The following RASA2 variants were observed in gnomAD, a reference collection of about 807,000 sequenced individuals.
RASA2 encodes the protein RAS p21 protein activator 2.
RASA2 carries 155 observed loss-of-function variants against 118.2 expected under a neutral mutation model. The ratio of observed to expected loss-of-function variants is 1.31; its 90% CI spans 1.15 to 1.50. The LOEUF (loss-of-function observed/expected upper bound fraction) is 1.50. RASA2 is among the 40% of genes most tolerant of loss of function. The pLI, the probability that RASA2 is intolerant of heterozygous loss-of-function variation, is 0.00. For synonymous variants in RASA2, 353 were observed against 349.1 expected (o/e 1.01, Z -0.12); for missense variants, 1,016 against 1,009.6 (o/e 1.01, Z -0.09).
intron 9 of RASA2, among the ~76,000 whole-genome samples, chr3:141,565,344 A>T (rs577856799): frequency 1.3e-5 from 2 of 152,318 alleles, no homozygotes; most frequent in South Asian, 4.1e-4. Context: ...AGGTTGCCGA[A>T]CATGCCCTGG....
At chr3:141,557,769 G>C (rs536392891) in intron 7 of RASA2, among the ~76,000 whole-genome samples, 10 of 152,092 alleles carry the variant, frequency 6.6e-5, no homozygotes, top group Non-Finnish European at 1.5e-4. Flanking sequence ...GAGAGGAAGA[G>C]GCAGATAAAA....
chr3:141,499,207 T>A (rs2081744090), intron 1 of RASA2, among the ~76,000 whole-genome samples: 1 of 152,188 alleles, frequency 6.6e-6, no homozygotes, highest in Non-Finnish European at 1.5e-5. Context: ...CTAGCCCCGA[T>A]TATGTTCTGT....
At chr3:141,552,914 C>G (rs577902310) in intron 5 of RASA2, among the ~76,000 whole-genome samples, 2 of 152,238 alleles carry the variant, frequency 1.3e-5, no homozygotes, top group Admixed American at 1.3e-4. Context: ...AATGCAGACC[C>G]TTAGACATTA....
chr3:141,545,028 T>C (rs2082463744), intron 5 of RASA2, among the ~76,000 whole-genome samples: 1 of 152,132 alleles, frequency 6.6e-6, no homozygotes, highest in African/African-American at 2.4e-5. Flanking sequence ...TCAGGAACAA[T>C]AACTAATGGG....
At chr3:141,609,592 A>G in intron 22 of RASA2, 69 bp downstream of exon 22, 1 of 1,242,526 alleles carries the variant, frequency 8.0e-7, no homozygotes, top group South Asian at 1.6e-5. Context: ...TTGCTTTAGC[A>G]TTATACAAAA....
At chr3:141,521,340 A>G (rs6762631) in intron 3 of RASA2, among the ~76,000 whole-genome samples, 2,480 of 152,314 alleles carry the variant, frequency 0.016, 71 homozygotes, top group African/African-American at 0.058. Context: ...GTCAGAGAAG[A>G]TAAGGAAACC....
chr3:141,606,589 A>G (rs1016270888), intron 19 of RASA2, among the ~76,000 whole-genome samples: 5 of 152,206 alleles, frequency 3.3e-5, no homozygotes, highest in African/African-American at 1.2e-4. Context: ...CATTCAGTAT[A>G]TGATAGTTGA....
intron 5 of RASA2, among the ~76,000 whole-genome samples, chr3:141,547,524 C>CACA (rs1350679228): frequency 3.3e-5 from 5 of 152,224 alleles, no homozygotes. Flanking sequence ...ACAGAAACCC[C>CACA]ACTGATTTTT....
rs150070488 is a variant in RASA2 at position 141,550,781 on chromosome 3, C to T, written c.528-3076C>T. On this transcript the variant is annotated intron_variant, in intron 5 of 23. Coordinates refer to ENST00000286364, the MANE Select transcript of RASA2 (RefSeq NM_006506.5). ...CTGAGGCAGGAGAATGGCGTAAAACCGGGAGGCGGAGCTTGCGGGGAGCCG... is the reference window on the plus strand; with the variant it reads ...CTGAGGCAGGAGAATGGCGTAAAACTGGGAGGCGGAGCTTGCGGGGAGCCG... Among the ~76,000 whole-genome samples the T allele has an allele frequency of 4.6e-4, 70 of 152,228 alleles. No individual in the cohort carries two copies. In the East Asian group the frequency reaches 0.011, roughly 24 times the overall value.
chr3:141,610,178 G>A, intron 23 of RASA2, 112 bp downstream of exon 23: 1 of 888,854 alleles, frequency 1.1e-6, no homozygotes, highest in Non-Finnish European at 1.6e-6. Context: ...ATCCCGCTCA[G>A]GGCCATTCTC....
At position 141,577,002 on chromosome 3, in the gene RASA2, G is replaced by T; in HGVS notation, c.1486G>T (p.Asp496Tyr). ...ATTTCACCATTTTTTTCCTGCAGAT[G>T]ACCCTCATGTTCAGTATTCTGCAGT... Reference protein sequence around the residue: ...RQMATQRFPNDPHVQYSAVSS... With the variant: ...RQMATQRFPNYPHVQYSAVSS... Residue 496 changes from aspartate (D) to tyrosine (Y), a missense_variant and splice_region_variant, in exon 15 of 24, where the codon GAC (aspartate) becomes TAC (tyrosine). Coordinates refer to ENST00000286364, the MANE Select transcript of RASA2 (RefSeq NM_006506.5). 6.4e-7 allele frequency: 1 copy of T among 1,574,720 alleles called. No individual in the cohort carries two copies. Among genetic ancestry groups the T allele is most frequent in the South Asian group, 1.2e-5 (1 of 83,820 alleles).
intron 17 of RASA2, among the ~76,000 whole-genome samples, chr3:141,581,499 C>T (rs1395096051): frequency 2.0e-5 from 3 of 152,124 alleles, no homozygotes; most frequent in South Asian, 2.1e-4. Context: ...CTGGCTTGTG[C>T]GTTTCAGGAT....
At chr3:141,521,317 G>A (rs1000601087) in intron 3 of RASA2, among the ~76,000 whole-genome samples, 2 of 152,112 alleles carry the variant, frequency 1.3e-5, no homozygotes, top group African/African-American at 4.8e-5. Context: ...AAAGAAAGAT[G>A]GGAGAGATTA....
chr3:141,610,086 T>G lies in RASA2; in HGVS notation c.2519+20T>G. On this transcript the variant is annotated intron_variant, in intron 23 of 23. Transcript: ENST00000286364. Reference sequence around the variant, plus strand: ...GAGCAAGTGAGTAATTTTTAAGCTATTGTAAACATATTTTTAAACGGAGTT... The same window carrying G: ...GAGCAAGTGAGTAATTTTTAAGCTAGTGTAAACATATTTTTAAACGGAGTT... The G allele has an allele frequency of 1.3e-6, 2 of 1,531,276 alleles. No homozygotes were observed. Among genetic ancestry groups the G allele is most frequent in the Non-Finnish European group, 1.8e-6 (2 of 1,134,816 alleles). 94.9% of individuals were successfully genotyped at this position (1,531,276 alleles called of 1,614,324 possible). A position where few individuals can be genotyped will look rare whatever the true frequency, so the allele number is the denominator to read the frequency against.
At chr3:141,605,714 A>G (rs295320) in intron 19 of RASA2, among the ~76,000 whole-genome samples, 65,645 of 151,158 alleles carry the variant, frequency 0.43, 14,706 homozygotes, top group African/African-American at 0.55. Flanking sequence ...TTTGTTGCAC[A>G]TATGTCTCTT....
At chr3:141,498,092 G>C (rs1235913522) in intron 1 of RASA2, among the ~76,000 whole-genome samples, 1 of 152,124 alleles carries the variant, frequency 6.6e-6, no homozygotes, top group South Asian at 2.1e-4. Context: ...AAATATTCTT[G>C]GTAGATGGGG....
intron 5 of RASA2, among the ~76,000 whole-genome samples, chr3:141,547,160 C>T (rs1418583098): frequency 2.0e-5 from 3 of 151,898 alleles, no homozygotes; most frequent in Non-Finnish European, 4.4e-5. Context: ...TCTTTTTGCT[C>T]AGGATAGCTT....
chr3:141,538,406 G>A (rs1560017219), intron 4 of RASA2, among the ~76,000 whole-genome samples: 1 of 151,970 alleles, frequency 6.6e-6, no homozygotes, highest in Non-Finnish European at 1.5e-5. Flanking sequence ...GAGCAAAAAA[G>A]CAAAGAAAAT....
chr3:141,572,860 A>G, intron 12 of RASA2, 137 bp downstream of exon 12: 1 of 711,578 alleles, frequency 1.4e-6, no homozygotes, highest in South Asian at 2.0e-5. Flanking sequence ...GAAGCAAATT[A>G]TTTACTTCTC....
Sources: allele counts gnomAD v4.1 joint callset (sites outside exome capture counted in the v4.1 genomes callset), GRCh38; gene constraint gnomAD v4.1.1; transcripts MANE v1.5; gene names NCBI Gene and HGNC (gene_info 2026-07-23, HGNC 2026-07-21).